PTPRD: variants seen among roughly 807,000 people sequenced by gnomAD.
PTPRD encodes protein tyrosine phosphatase receptor type D.
A neutral mutation model predicts 214.5 loss-of-function variants in PTPRD; 34 were observed. The observed-to-expected ratio is 0.16, with a 90% confidence interval of 0.12 to 0.21. PTPRD has a LOEUF of 0.21. Ranked by LOEUF, PTPRD falls within the 10% of genes least tolerant of loss-of-function variation. The pLI, the probability that PTPRD is intolerant of heterozygous loss-of-function variation, is 1.00. For missense variants in PTPRD, 2,545 were observed against 2,398.7 expected (o/e 1.06, Z -1.27); for synonymous variants, 1,128 against 845.7 (o/e 1.33, Z -5.79).
intron 9 of PTPRD, among the ~76,000 whole-genome samples, chr9:9,246,121 A>T (rs1025304562): frequency 6.6e-6 from 1 of 152,060 alleles, no homozygotes; most frequent in Non-Finnish European, 1.5e-5. Context: ...GTGACTTTCA[A>T]CATAAATATG....
At chr9:10,607,924 T>C (rs1056665799) in intron 2 of PTPRD, among the ~76,000 whole-genome samples, 1 of 151,954 alleles carries the variant, frequency 6.6e-6, no homozygotes, top group African/African-American at 2.4e-5. Context: ...GGTGTAAAAA[T>C]TATTGTCTGT....
At chr9:10,353,449 A>G (rs1237301110) in intron 2 of PTPRD, among the ~76,000 whole-genome samples, 1 of 152,036 alleles carries the variant, frequency 6.6e-6, no homozygotes, top group Non-Finnish European at 1.5e-5. Flanking sequence ...TCACATCATT[A>G]TAATAAGAAC....
intron 3 of PTPRD, among the ~76,000 whole-genome samples, chr9:10,298,065 T>C (rs1329102061): frequency 6.6e-6 from 1 of 152,136 alleles, no homozygotes; most frequent in Non-Finnish European, 1.5e-5. Context: ...AAATTGGCAG[T>C]CCAAGGTTAT....
chr9:9,134,174 G>GC (rs1344829326), intron 10 of PTPRD, among the ~76,000 whole-genome samples: 3 of 133,516 alleles, frequency 2.2e-5, no homozygotes, highest in Non-Finnish European at 4.6e-5. Flanking sequence ...CCGGGTTCAC[G>GC]CCATTCTCCT....
intron 2 of PTPRD, among the ~76,000 whole-genome samples, chr9:10,415,123 C>A (rs536847867): frequency 6.6e-6 from 1 of 151,792 alleles, no homozygotes; most frequent in Admixed American, 6.6e-5. Context: ...ATATAAAAAA[C>A]ATAGCCTAAA....
intron 7 of PTPRD, among the ~76,000 whole-genome samples, chr9:9,593,608 G>A (rs940818740): frequency 2.0e-5 from 3 of 151,910 alleles, no homozygotes; most frequent in Admixed American, 2.0e-4. Context: ...GGAATGTGGA[G>A]GCAGCCCCAC....
At chr9:10,509,557 T>TTTTATATATATATATATATATATATATA (rs1555449948) in intron 2 of PTPRD, among the ~76,000 whole-genome samples, 21 of 106,686 alleles carry the variant, frequency 2.0e-4, no homozygotes, top group South Asian at 1.3e-3. Flanking sequence ...TTAATAAATA[T>TTTTATATATATATATATATATATATATA]TATATATATA....
chr9:9,551,350 C>T (rs2080181793), intron 8 of PTPRD, among the ~76,000 whole-genome samples: 1 of 151,904 alleles, frequency 6.6e-6, no homozygotes, highest in Non-Finnish European at 1.5e-5. Flanking sequence ...TAATTATTCC[C>T]TAAAGGTGAA....
intron 9 of PTPRD, among the ~76,000 whole-genome samples, chr9:9,238,880 G>A (rs2099968751): frequency 6.6e-6 from 1 of 152,054 alleles, no homozygotes; most frequent in African/African-American, 2.4e-5. Flanking sequence ...CCCTTATTTT[G>A]AATAAGCTTC....
At chr9:9,939,586 C>A (rs1267992151) in intron 4 of PTPRD, among the ~76,000 whole-genome samples, 1 of 152,064 alleles carries the variant, frequency 6.6e-6, no homozygotes, top group East Asian at 1.9e-4. Flanking sequence ...GCCAGAGTAC[C>A]CATTTACCTC....
chr9:10,438,008 C>CATATATATAATATATATATATATATATAT, intron 2 of PTPRD, among the ~76,000 whole-genome samples: 1 of 125,148 alleles, frequency 8.0e-6, no homozygotes, highest in East Asian at 2.3e-4. Context: ...CCTAAGTCTA[C>CATATATATAATATATATATATATATATAT]ATATATATAT....
At chr9:9,942,279 A>G (rs1467937832) in intron 4 of PTPRD, among the ~76,000 whole-genome samples, 1 of 152,096 alleles carries the variant, frequency 6.6e-6, no homozygotes, top group East Asian at 1.9e-4. Context: ...TGGGTCTTAC[A>G]TTTTTCACTT....
At chr9:10,507,135 C>A (rs1471509403) in intron 2 of PTPRD, among the ~76,000 whole-genome samples, 1 of 152,236 alleles carries the variant, frequency 6.6e-6, no homozygotes, top group South Asian at 2.1e-4. Context: ...AAATCACAAG[C>A]ATTCTTATAC....
At chr9:8,680,641 A>G in intron 12 of PTPRD, among the ~76,000 whole-genome samples, 1 of 152,214 alleles carries the variant, frequency 6.6e-6, no homozygotes, top group East Asian at 1.9e-4. Context: ...CACAGCTACA[A>G]TTATACTACC....
At chr9:10,231,863 G>C (rs925634777) in intron 3 of PTPRD, among the ~76,000 whole-genome samples, 2 of 151,712 alleles carry the variant, frequency 1.3e-5, no homozygotes, top group African/African-American at 4.8e-5. Flanking sequence ...ACCCTGTAGA[G>C]GTGGATCTCT....
chr9:10,390,608 T>G (rs1261630603), intron 2 of PTPRD, among the ~76,000 whole-genome samples: 2 of 151,834 alleles, frequency 1.3e-5, no homozygotes, highest in Non-Finnish European at 2.9e-5. Flanking sequence ...TCTGGAAGAA[T>G]GATAATGAAA....
chr9:8,537,124 T>C (rs2077150823), intron 14 of PTPRD, among the ~76,000 whole-genome samples: 1 of 152,002 alleles, frequency 6.6e-6, no homozygotes, highest in African/African-American at 2.4e-5. Context: ...ATGACCATTA[T>C]TATTCAAAGT....
At chr9:9,871,967 A>G (rs1369075966) in intron 5 of PTPRD, among the ~76,000 whole-genome samples, 1 of 152,178 alleles carries the variant, frequency 6.6e-6, no homozygotes, top group Non-Finnish European at 1.5e-5. Context: ...AACACTCTAC[A>G]TGTATAACTT....
intron 2 of PTPRD, among the ~76,000 whole-genome samples, chr9:10,551,886 G>A (rs759566771): frequency 1.3e-5 from 2 of 152,104 alleles, no homozygotes; most frequent in Non-Finnish European, 2.9e-5. Flanking sequence ...GAAACATGCT[G>A]TCTTTCATTT....
Sources: allele counts gnomAD v4.1 joint callset (sites outside exome capture counted in the v4.1 genomes callset), GRCh38; gene constraint gnomAD v4.1.1; transcripts MANE v1.5; gene names NCBI Gene and HGNC (gene_info 2026-07-23, HGNC 2026-07-21).